THUMPD2: variants seen among roughly 807,000 people sequenced by gnomAD.
The protein encoded by THUMPD2 is THUMP domain 2 tRNA and snRNA guanosine methyltransferase.
THUMPD2 carries 56 observed loss-of-function variants against 49.4 expected under a neutral mutation model. The ratio of observed to expected loss-of-function variants is 1.13; its 90% CI spans 0.91 to 1.41. THUMPD2 has a LOEUF of 1.41. Among genes scored for constraint, THUMPD2 ranks in the 40% most tolerant of loss-of-function variants. THUMPD2 has a pLI of 0.00. For missense variants in THUMPD2, 709 were observed against 594.5 expected, an observed-to-expected ratio of 1.19 and a Z score of -2.00; for synonymous variants, 237 against 205.2, an observed-to-expected ratio of 1.15 and a Z score of -1.32.
chr2:39,741,146 T>C (rs537578013), intron 9 of THUMPD2, among the ~76,000 whole-genome samples: 2 of 152,352 alleles, frequency 1.3e-5, no homozygotes, highest in African/African-American at 4.8e-5. Flanking sequence ...GAAAAAACTC[T>C]GCAGTCAGTA....
intron 5 of THUMPD2, among the ~76,000 whole-genome samples, chr2:39,764,721 T>G (rs138652745): frequency 6.6e-6 from 1 of 152,226 alleles, no homozygotes; most frequent in African/African-American, 2.4e-5. Flanking sequence ...CAAGTCTTCA[T>G]GTCTCCCTTT....
At chr2:39,768,798 C>A in intron 3 of THUMPD2, 2 of 880,054 alleles carry the variant, frequency 2.3e-6, no homozygotes, top group Non-Finnish European at 3.2e-6. Flanking sequence ...TAAATATGAT[C>A]ATTCTGGGTT....
chr2:39,741,546 G>A (rs1673899343), intron 9 of THUMPD2, among the ~76,000 whole-genome samples: 1 of 152,084 alleles, frequency 6.6e-6, no homozygotes, highest in Non-Finnish European at 1.5e-5. Flanking sequence ...TCATGTATTT[G>A]CACAGTTACA....
chr2:39,760,183 G>C (rs555960906), intron 6 of THUMPD2, among the ~76,000 whole-genome samples: 1 of 152,242 alleles, frequency 6.6e-6, no homozygotes, highest in South Asian at 2.1e-4. Flanking sequence ...GGGAGAGAAA[G>C]GGGTAAAAAT....
In THUMPD2 at chr2:39,748,231, A is replaced by C. The variant is rs921164593; in HGVS notation, c.1079-3753T>G. On this transcript the variant is annotated intron_variant, in intron 8 of 9. Transcript: ENST00000505747. Reference sequence around the variant, plus strand: ...AAATTAGGCAACTTTTTTTTGGTAAAGTTTATAGCACCACCCTAGGACACT... The same window carrying C: ...AAATTAGGCAACTTTTTTTTGGTAACGTTTATAGCACCACCCTAGGACACT... 2.6e-5 allele frequency among the ~76,000 whole-genome samples: 4 copies of C among 152,136 alleles called. No individual in the cohort carries two copies. The East Asian group carries it at 5.8e-4, about 22-fold the overall frequency.
At chr2:39,749,169 T>C (rs1675044067) in intron 8 of THUMPD2, among the ~76,000 whole-genome samples, 1 of 152,208 alleles carries the variant, frequency 6.6e-6, no homozygotes. Context: ...ACCAAAGTAA[T>C]GCATAAGCAC....
intron 8 of THUMPD2, 95 bp from the exon 9 acceptor site, chr2:39,744,573 G>C: frequency 1.3e-6 from 1 of 767,136 alleles, no homozygotes; most frequent in Non-Finnish European, 2.0e-6. Context: ...TTATTTTTGC[G>C]TAACAGATTA....
chr2:39,739,755 TGAG>T (rs1673657064), intron 9 of THUMPD2, among the ~76,000 whole-genome samples: 2 of 152,156 alleles, frequency 1.3e-5, no homozygotes, highest in African/African-American at 4.8e-5. Flanking sequence ...GTGTGATCCT[TGAG>T]GAGGAAGGAA....
chr2:39,746,815 C>T (rs534734661), intron 8 of THUMPD2, among the ~76,000 whole-genome samples: 1 of 152,230 alleles, frequency 6.6e-6, no homozygotes, highest in East Asian at 1.9e-4. Flanking sequence ...TATATTTAAA[C>T]TAAAGACCAG....
intron 5 of THUMPD2, among the ~76,000 whole-genome samples, chr2:39,761,980 G>A (rs905436619): frequency 1.3e-5 from 2 of 152,110 alleles, no homozygotes; most frequent in African/African-American, 4.8e-5. Flanking sequence ...TCCCAAATGA[G>A]TTCACTGGTC....
chr2:39,773,932 A>C (rs765503432), intron 1 of THUMPD2, among the ~76,000 whole-genome samples: 11 of 152,256 alleles, frequency 7.2e-5, no homozygotes, highest in Non-Finnish European at 1.5e-4. Context: ...GTTTCGTTCA[A>C]CATGGTTTCA....
chr2:39,770,175 C>A, intron 2 of THUMPD2, 56 bp from the exon 3 acceptor site: 1 of 1,220,324 alleles, frequency 8.2e-7, no homozygotes. Flanking sequence ...CCATCTATTA[C>A]AATCATCACC....
chr2:39,768,942 G>A, intron 3 of THUMPD2: 1 of 1,303,986 alleles, frequency 7.7e-7, no homozygotes, highest in Non-Finnish European at 1.0e-6. Flanking sequence ...AAAGTATTCA[G>A]ACCAATGGCC....
chr2:39,738,151 TAA>T (rs1673379748), intron 9 of THUMPD2, among the ~76,000 whole-genome samples: 1 of 152,032 alleles, frequency 6.6e-6, no homozygotes, highest in Non-Finnish European at 1.5e-5. Flanking sequence ...ATTTCACATT[TAA>T]AAAGTGACGG....
At position 39,736,419 on chromosome 2, in the gene THUMPD2, A is replaced by C. The variant is rs1394452892; in HGVS notation, c.*316T>G. The C allele has an allele frequency of 4.7e-6, 1 of 213,882 alleles. No homozygotes were observed. The highest frequency in any genetic ancestry group is 2.3e-5 in the African/African-American group (1 of 43,740). The allele number at this position is 213,882 out of a possible 1,614,324, so 13.2% of individuals were successfully genotyped here. On this transcript the variant is annotated 3_prime_UTR_variant, in exon 10 of 10. Transcript: ENST00000505747. Reference sequence around the variant, plus strand: ...TCTGGTGTTGATTGTGATACACTTAAGTGAACCCCTGAAAACCTTTATTTT... The same window carrying C: ...TCTGGTGTTGATTGTGATACACTTACGTGAACCCCTGAAAACCTTTATTTT...
At chr2:39,778,902 G>A (rs373227007) in intron 1 of THUMPD2, among the ~76,000 whole-genome samples, 1 of 152,342 alleles carries the variant, frequency 6.6e-6, no homozygotes, top group African/African-American at 2.4e-5. Context: ...CCTGAGAAGT[G>A]AGGAACTGGA....
In THUMPD2 at chr2:39,766,052, T is replaced by C. The variant is rs755574359; in HGVS notation, c.803+5A>G. On this transcript the variant is annotated splice_donor_5th_base_variant and intron_variant, in intron 5 of 9. Coordinates refer to ENST00000505747, the MANE Select transcript of THUMPD2 (RefSeq NM_025264.5). ...TGGGACAAACCGGAAGCTTAGAATA[T>C]CTACCTGAACACAGGAATCCCCACC... 5 of 1,575,926 alleles carry C rather than the reference T, an allele frequency of 3.2e-6. No homozygotes were observed. Among genetic ancestry groups the C allele is most frequent in the Non-Finnish European group, 4.3e-6 (5 of 1,166,388 alleles).
chr2:39,737,359 A>T (rs1258727687), intron 9 of THUMPD2, among the ~76,000 whole-genome samples: 1 of 152,236 alleles, frequency 6.6e-6, no homozygotes, highest in African/African-American at 2.4e-5. Context: ...ACAGAATCCT[A>T]AAGACTGCAT....
intron 9 of THUMPD2, among the ~76,000 whole-genome samples, chr2:39,738,263 A>T (rs1488828600): frequency 6.6e-6 from 1 of 152,230 alleles, no homozygotes; most frequent in Non-Finnish European, 1.5e-5. Flanking sequence ...AACAGTTTCA[A>T]CAGTGTCAAA....
Sources: allele counts gnomAD v4.1 joint callset (sites outside exome capture counted in the v4.1 genomes callset), GRCh38; gene constraint gnomAD v4.1.1; transcripts MANE v1.5; gene names NCBI Gene and HGNC (gene_info 2026-07-23, HGNC 2026-07-21).